Variants in CSRNP3 observed in about 807,000 individuals in gnomAD.
The protein encoded by CSRNP3 is cysteine/serine-rich nuclear protein 3.
Under a neutral mutation model 48.0 loss-of-function variants are expected in CSRNP3, and 12 were observed. That is an observed-to-expected ratio of 0.25 (90% confidence interval 0.16 to 0.41). The LOEUF (loss-of-function observed/expected upper bound fraction) is 0.41, where lower values mean the gene tolerates loss of function less well. CSRNP3 is among the 10% of genes least tolerant of loss of function. The pLI is 1.00. For missense variants in CSRNP3, 580 were observed against 724.4 expected (o/e 0.80, Z 2.29); for synonymous variants, 263 against 269.7 (o/e 0.98, Z 0.24).
Position 165,679,564 on chromosome 2 carries a change from G to A in CSRNP3, c.1569G>A (p.Arg523=), listed in dbSNP as rs1687494686. 7 of 1,613,906 alleles carry A rather than the reference G, an allele frequency of 4.3e-6. No homozygotes were observed. The East Asian group carries it at 8.9e-5, about 21-fold the overall frequency. Residue 523 remains arginine, a synonymous_variant, in exon 7 of 7, where the codon AGG becomes AGA. Transcript: ENST00000651982. ...VPCNSLYPEH[R]SNHPQVEFHS... is the part of the protein sequence containing the mutation. Reference sequence around the variant, plus strand: ...GCAATAGTTTATATCCTGAACACAGGTCCAATCACCCTCAAGTGGAATTTC... The same window carrying A: ...GCAATAGTTTATATCCTGAACACAGATCCAATCACCCTCAAGTGGAATTTC...
chr2:165,479,985 C>T (rs1684018597), intron 1 of CSRNP3, among the ~76,000 whole-genome samples: 1 of 152,008 alleles, frequency 6.6e-6, no homozygotes, highest in Admixed American at 6.6e-5. Flanking sequence ...CTTATCTGGT[C>T]ACTCTGGGGG....
intron 3 of CSRNP3, among the ~76,000 whole-genome samples, chr2:165,593,589 G>T (rs1213676416): frequency 1.3e-5 from 2 of 152,168 alleles, no homozygotes; most frequent in Admixed American, 6.6e-5. Flanking sequence ...CACGCTGCTT[G>T]CTCTGTGATC....
chr2:165,539,843 A>G (rs189275261), intron 3 of CSRNP3, among the ~76,000 whole-genome samples: 73 of 152,214 alleles, frequency 4.8e-4, no homozygotes, highest in Non-Finnish European at 9.7e-4. Flanking sequence ...TTTAATTTTC[A>G]TGTAAGACTG....
intron 2 of CSRNP3, among the ~76,000 whole-genome samples, chr2:165,501,162 G>A (rs892711361): frequency 1.3e-5 from 2 of 152,114 alleles, no homozygotes; most frequent in African/African-American, 4.8e-5. Context: ...ATAATGAAAT[G>A]CTATGCTAAG....
intron 3 of CSRNP3, among the ~76,000 whole-genome samples, chr2:165,574,586 C>T (rs1318993998): frequency 6.6e-6 from 1 of 152,000 alleles, no homozygotes; most frequent in Non-Finnish European, 1.5e-5. Flanking sequence ...CTTCGTATTT[C>T]TCTACTTGAA....
intron 4 of CSRNP3, among the ~76,000 whole-genome samples, chr2:165,643,546 A>G (rs933001035): frequency 2.0e-5 from 3 of 152,150 alleles, no homozygotes; most frequent in East Asian, 3.9e-4. Context: ...TGTGAATAAT[A>G]AGGTTCTTTG....
intron 4 of CSRNP3, among the ~76,000 whole-genome samples, chr2:165,648,546 G>A (rs1362953824): frequency 6.6e-6 from 1 of 152,008 alleles, no homozygotes; most frequent in Non-Finnish European, 1.5e-5. Context: ...CCTTTGAGCT[G>A]TACCCCCTCT....
At chr2:165,492,514 A>C (rs1173526966) in intron 1 of CSRNP3, among the ~76,000 whole-genome samples, 3 of 150,974 alleles carry the variant, frequency 2.0e-5, no homozygotes, top group African/African-American at 7.3e-5. Context: ...CCATGTTATT[A>C]CCTCTTGGTG....
chr2:165,607,228 T>A (rs567888349), intron 4 of CSRNP3, among the ~76,000 whole-genome samples: 1 of 152,292 alleles, frequency 6.6e-6, no homozygotes, highest in African/African-American at 2.4e-5. Flanking sequence ...TTTTATAGTA[T>A]ACTAGTTTTC....
At chr2:165,557,534 G>T (rs955634021) in intron 3 of CSRNP3, among the ~76,000 whole-genome samples, 3 of 152,160 alleles carry the variant, frequency 2.0e-5, no homozygotes, top group Admixed American at 2.0e-4. Flanking sequence ...TTGTAAAACT[G>T]GGGGAAAGGA....
chr2:165,547,999 T>C (rs1392875127), intron 3 of CSRNP3, among the ~76,000 whole-genome samples: 2 of 152,100 alleles, frequency 1.3e-5, no homozygotes, highest in African/African-American at 2.4e-5. Flanking sequence ...ATTTTGCTTT[T>C]ATTGTGAAAA....
intron 3 of CSRNP3, among the ~76,000 whole-genome samples, chr2:165,576,206 C>G (rs1685448526): frequency 6.7e-6 from 1 of 150,236 alleles, no homozygotes; most frequent in Non-Finnish European, 1.5e-5. Flanking sequence ...TATGTATATA[C>G]ACACACACAC....
intron 4 of CSRNP3, among the ~76,000 whole-genome samples, chr2:165,653,134 T>G (rs73031622): frequency 0.032 from 4,822 of 152,172 alleles, 218 homozygotes; most frequent in African/African-American, 0.098. Context: ...AGGCCTGGAG[T>G]CAGGAGATAG....
At chr2:165,537,206 C>G (rs1684893007) in intron 3 of CSRNP3, among the ~76,000 whole-genome samples, 1 of 151,382 alleles carries the variant, frequency 6.6e-6, no homozygotes, top group Non-Finnish European at 1.5e-5. Context: ...CTGACACATT[C>G]AACTTCATGC....
intron 4 of CSRNP3, among the ~76,000 whole-genome samples, chr2:165,628,597 G>A (rs970142301): frequency 2.0e-5 from 3 of 152,030 alleles, no homozygotes; most frequent in Non-Finnish European, 2.9e-5. Flanking sequence ...GGTGGTGGGC[G>A]CCTATAATCC....
At chr2:165,523,962 T>C (rs1325897145) in intron 3 of CSRNP3, among the ~76,000 whole-genome samples, 2 of 152,180 alleles carry the variant, frequency 1.3e-5, no homozygotes, top group Non-Finnish European at 2.9e-5. Flanking sequence ...GGTCAATACC[T>C]CCAACCCTAT....
At chr2:165,506,753 T>G (rs114119318) in intron 2 of CSRNP3, among the ~76,000 whole-genome samples, 2,404 of 152,278 alleles carry the variant, frequency 0.016, 61 homozygotes, top group African/African-American at 0.054. Flanking sequence ...AGACCACCCG[T>G]CACGAACTCT....
At chr2:165,672,525 A>G (rs763357017) in intron 5 of CSRNP3, among the ~76,000 whole-genome samples, 9 of 152,136 alleles carry the variant, frequency 5.9e-5, no homozygotes, top group Non-Finnish European at 1.3e-4. Flanking sequence ...AACCACCCCC[A>G]TGATTCAATT....
intron 1 of CSRNP3, among the ~76,000 whole-genome samples, chr2:165,475,791 G>A (rs1348986378): frequency 6.6e-6 from 1 of 152,098 alleles, no homozygotes; most frequent in African/African-American, 2.4e-5. Flanking sequence ...TCACCTAAAT[G>A]TCATTAAGCC....
Sources: gnomAD v4.1 joint callset for allele counts (sites outside exome capture counted in the v4.1 genomes callset) on GRCh38, gnomAD v4.1.1 for gene constraint, MANE v1.5 for transcripts, NCBI Gene and HGNC (gene_info 2026-07-23, HGNC 2026-07-21) for gene names.